RAB5A: variants seen among roughly 807,000 people sequenced by gnomAD.
RAB5A encodes ras-related protein Rab-5A.
Under a neutral mutation model 25.7 loss-of-function variants are expected in RAB5A, and 8 were observed. That is an observed-to-expected ratio of 0.31 (90% CI 0.18 to 0.56). RAB5A has a LOEUF of 0.56. Among genes scored for constraint, RAB5A ranks in the 20% least tolerant of loss-of-function variants. RAB5A has a pLI of 0.91. For synonymous variants in RAB5A, 98 were observed against 89.8 expected (o/e 1.09, Z -0.52); for missense variants, 192 against 259.7 (o/e 0.74, Z 1.79).
chr3:19,975,572 A>G (rs1559491795), intron 2 of RAB5A, 29 bp from the exon 3 acceptor site: 9 of 1,599,568 alleles, frequency 5.6e-6, no homozygotes, highest in Non-Finnish European at 7.7e-6. Flanking sequence ...GAGAAAAATG[A>G]TTGACTTATT....
chr3:19,956,372 T>G (rs1039571765), intron 2 of RAB5A, among the ~76,000 whole-genome samples: 1 of 152,202 alleles, frequency 6.6e-6, no homozygotes, highest in East Asian at 1.9e-4. Context: ...GAGAAACATT[T>G]GAACCCAGGA....
At chr3:19,975,556 C>T (rs1486198793) in intron 2 of RAB5A, 45 bp from the exon 3 acceptor site, 1 of 1,581,684 alleles carries the variant, frequency 6.3e-7, no homozygotes, top group Non-Finnish European at 8.6e-7. Flanking sequence ...ATTATGAAAA[C>T]ATTTGGAGAA....
At chr3:19,967,166 A>G (rs1431154662) in intron 2 of RAB5A, among the ~76,000 whole-genome samples, 3 of 140,864 alleles carry the variant, frequency 2.1e-5, no homozygotes. Context: ...TTTTTTTGAG[A>G]TGGAGTTTCA....
At chr3:19,951,456 A>G (rs187517948) in intron 2 of RAB5A, among the ~76,000 whole-genome samples, 2 of 152,352 alleles carry the variant, frequency 1.3e-5, no homozygotes, top group Admixed American at 6.5e-5. Flanking sequence ...ATTCTGATCT[A>G]TATAACTGAA....
chr3:19,969,030 G>GT (rs202101955), intron 2 of RAB5A, among the ~76,000 whole-genome samples: 115 of 112,172 alleles, frequency 1.0e-3, no homozygotes, highest in Admixed American at 1.7e-3. Context: ...TTTTGGTTTT[G>GT]GTTTTTTTTT....
At chr3:19,983,067 T>C (rs1696961996) in intron 5 of RAB5A, among the ~76,000 whole-genome samples, 1 of 152,180 alleles carries the variant, frequency 6.6e-6, no homozygotes, top group Non-Finnish European at 1.5e-5. Flanking sequence ...CCAGGTGCCA[T>C]GGCTCACGCC....
intron 2 of RAB5A, among the ~76,000 whole-genome samples, chr3:19,972,593 C>G (rs1696766461): frequency 6.6e-6 from 1 of 152,064 alleles, no homozygotes; most frequent in Non-Finnish European, 1.5e-5. Flanking sequence ...GAATGATGCC[C>G]TGTTTTGCCA....
chr3:19,985,132 T>A lies in RAB5A; in HGVS notation c.*1309T>A, dbSNP rs1219686180. ...AAAACGGTTCACCAGTGTTTAGTTT[T>A]ATATTGAGGTGCTCAGGTTGGAATA... is the stretch of plus-strand genomic sequence containing the variant. On this transcript the variant is annotated 3_prime_UTR_variant, in exon 6 of 6. Transcript: ENST00000273047. 1 of 380,780 alleles carries A rather than the reference T, an allele frequency of 2.6e-6. No homozygotes were observed. The highest frequency in any genetic ancestry group is 4.6e-5 in the East Asian group (1 of 21,898). The allele number at this position is 380,780 out of a possible 1,614,324, so 23.6% of individuals were successfully genotyped here.
intron 2 of RAB5A, among the ~76,000 whole-genome samples, chr3:19,967,568 A>G (rs1696678913): frequency 6.6e-6 from 1 of 152,210 alleles, no homozygotes; most frequent in Non-Finnish European, 1.5e-5. Flanking sequence ...AATTGTAGAT[A>G]AACTAGTATA....
At chr3:19,948,991 G>T (rs1455884389) in intron 1 of RAB5A, among the ~76,000 whole-genome samples, 1 of 152,054 alleles carries the variant, frequency 6.6e-6, no homozygotes, top group Non-Finnish European at 1.5e-5. Flanking sequence ...TCCCTACTAT[G>T]TATATTAGAG....
chr3:19,971,243 G>A (rs1049706001), intron 2 of RAB5A, among the ~76,000 whole-genome samples: 1 of 150,542 alleles, frequency 6.6e-6, no homozygotes, highest in African/African-American at 2.5e-5. Flanking sequence ...AAAACTTTAG[G>A]ACTTTGAGAA....
At chr3:19,966,831 G>A (rs1696668862) in intron 2 of RAB5A, among the ~76,000 whole-genome samples, 1 of 151,960 alleles carries the variant, frequency 6.6e-6, no homozygotes, top group Non-Finnish European at 1.5e-5. Context: ...TTGAAATAGG[G>A]TCTCACTCTG....
At chr3:19,960,392 T>C (rs13324769) in intron 2 of RAB5A, among the ~76,000 whole-genome samples, 1 of 152,114 alleles carries the variant, frequency 6.6e-6, no homozygotes, top group Non-Finnish European at 1.5e-5. Flanking sequence ...CCTCAACTTC[T>C]GGGCTCCAGC....
At chr3:19,959,428 CTTG>C (rs1242906826) in intron 2 of RAB5A, among the ~76,000 whole-genome samples, 2 of 150,026 alleles carry the variant, frequency 1.3e-5, no homozygotes, top group Non-Finnish European at 1.5e-5. Flanking sequence ...AACTGATCTT[CTTG>C]TTATGTACTA....
intron 2 of RAB5A, among the ~76,000 whole-genome samples, chr3:19,959,227 T>C (rs1334556908): frequency 6.6e-6 from 1 of 152,118 alleles, no homozygotes; most frequent in Non-Finnish European, 1.5e-5. Context: ...ATGGGAAATA[T>C]TAGGTTGTCT....
At chr3:19,953,194 A>G (rs1355416767) in intron 2 of RAB5A, among the ~76,000 whole-genome samples, 1 of 152,154 alleles carries the variant, frequency 6.6e-6, no homozygotes, top group Non-Finnish European at 1.5e-5. Flanking sequence ...TTTCCTAATG[A>G]TAGCTCAAGA....
chr3:19,954,293 G>A (rs2125179371), intron 2 of RAB5A, among the ~76,000 whole-genome samples: 1 of 152,246 alleles, frequency 6.6e-6, no homozygotes, highest in South Asian at 2.1e-4. Context: ...GGAATTATAG[G>A]CGTGAACCTC....
rs139867495 is a variant in RAB5A at position 19,952,541 on chromosome 3, A to T, written c.163+1480A>T. Among the ~76,000 whole-genome samples the T allele has an allele frequency of 1.9e-4, 29 of 152,348 alleles. 2 individuals carry two copies. The East Asian group carries it at 5.6e-3, about 29-fold the overall frequency. ...TTCTGCAAATATACTTGAGAATGTT[A>T]TTCATAATCTTAGACCCATTCTAGT... On this transcript the variant is annotated intron_variant, in intron 2 of 5. Coordinates refer to ENST00000273047, the MANE Select transcript of RAB5A (RefSeq NM_004162.5).
At chr3:19,983,491 C>T (rs1030491675) in intron 5 of RAB5A, among the ~76,000 whole-genome samples, 10 of 152,100 alleles carry the variant, frequency 6.6e-5, no homozygotes, top group African/African-American at 2.2e-4. Context: ...CCCCATCTAC[C>T]GTTCCCCCAA....
Sources: allele counts gnomAD v4.1 joint callset (sites outside exome capture counted in the v4.1 genomes callset), GRCh38; gene constraint gnomAD v4.1.1; transcripts MANE v1.5; gene names NCBI Gene and HGNC (gene_info 2026-07-23, HGNC 2026-07-21).